The following NEXMIF variants were observed in gnomAD, a reference collection of about 807,000 sequenced individuals.
The protein encoded by NEXMIF is neurite extension and migration factor.
Under a neutral mutation model 62.1 loss-of-function variants are expected in NEXMIF, and 8 were observed. That is an observed-to-expected ratio of 0.13 (90% CI 0.08 to 0.23). The LOEUF is 0.23. Ranked by LOEUF, NEXMIF falls within the 10% of genes least tolerant of loss-of-function variation. NEXMIF has a pLI of 1.00. For missense variants in NEXMIF, 976 were observed against 1,113.3 expected (o/e 0.88, Z 1.75); for synonymous variants, 404 against 416.6 (o/e 0.97, Z 0.37).
intron 1 of NEXMIF, among the ~76,000 whole-genome samples, chrX:74,882,910 T>C (rs2080672201): frequency 9.0e-6 from 1 of 111,500 alleles, no homozygotes; most frequent in Non-Finnish European, 1.9e-5. Context: ...AGGGGTGGAC[T>C]GACACCTCAC....
intron 1 of NEXMIF, among the ~76,000 whole-genome samples, chrX:74,877,713 C>T (rs2080642698): frequency 9.0e-6 from 1 of 111,396 alleles, no homozygotes; most frequent in South Asian, 3.8e-4. Context: ...TTTCTCTAAA[C>T]TTCCCTTCTC....
At position 74,733,407 on chromosome X, in the gene NEXMIF, T is replaced by C. The variant is rs2080077519; in HGVS notation, c.*5998A>G. ...TAACTTTCTTAGAAATTCATTTTTGTTGTGTTTTATAATAGTATTGGTCTG... is the reference window on the plus strand; with the variant it reads ...TAACTTTCTTAGAAATTCATTTTTGCTGTGTTTTATAATAGTATTGGTCTG... On this transcript the variant is annotated 3_prime_UTR_variant, in exon 4 of 4. Coordinates refer to ENST00000055682, the MANE Select transcript of NEXMIF (RefSeq NM_001008537.3). 1 of 112,185 alleles carries C rather than the reference T, an allele frequency of 8.9e-6. No individual in the cohort carries two copies. The highest frequency in any genetic ancestry group is 1.9e-5 in the Non-Finnish European group (1 of 53,257). The allele number at this position is 112,185 out of a possible 1,213,427, so 9.2% of individuals were successfully genotyped here.
chrX:74,877,231 T>A (rs754710977), intron 1 of NEXMIF, among the ~76,000 whole-genome samples: 9 of 111,142 alleles, frequency 8.1e-5, no homozygotes, highest in East Asian at 5.7e-4. Context: ...TAAAGTATTT[T>A]ATTTCTCCTT....
chrX:74,840,374 G>C (rs915269794), intron 1 of NEXMIF, among the ~76,000 whole-genome samples: 7 of 109,445 alleles, frequency 6.4e-5, no homozygotes, highest in African/African-American at 2.1e-4. Flanking sequence ...AAAAAAATCA[G>C]AGAGGACACA....
chrX:74,880,697 T>G (rs1180724575), intron 1 of NEXMIF, among the ~76,000 whole-genome samples: 1 of 112,075 alleles, frequency 8.9e-6, no homozygotes, highest in South Asian at 3.7e-4. Context: ...CAATGGAAAT[T>G]AGGTGTAGAA....
chrX:74,774,082 C>A (rs933463915), intron 1 of NEXMIF, among the ~76,000 whole-genome samples: 1 of 110,339 alleles, frequency 9.1e-6, no homozygotes, highest in African/African-American at 3.3e-5. Flanking sequence ...GCTTTTTGCA[C>A]ATCTTAGAAA....
At chrX:74,839,368 C>A (rs1014552836) in intron 1 of NEXMIF, among the ~76,000 whole-genome samples, 9 of 111,938 alleles carry the variant, frequency 8.0e-5, no homozygotes, top group Admixed American at 3.8e-4. Context: ...ACTAGAAGAG[C>A]CTTCTAACTA....
Position 74,733,627 on chromosome X carries a change from A to G in NEXMIF, c.*5778T>C, listed in dbSNP as rs1176194275. ...AAACAATAACAAAACTCAGCTAGGT[A>G]ACATTATGACAGTTTCACCGTACAT... On this transcript the variant is annotated 3_prime_UTR_variant, in exon 4 of 4. Coordinates refer to ENST00000055682, the MANE Select transcript of NEXMIF (RefSeq NM_001008537.3). 1.8e-5 allele frequency: 2 copies of G among 112,572 alleles called. No homozygotes were observed. Among genetic ancestry groups the G allele is most frequent in the African/African-American group, 6.5e-5 (2 of 30,948 alleles). The allele number at this position is 112,572 out of a possible 1,213,427, so 9.3% of individuals were successfully genotyped here.
chrX:74,742,653 C>G lies in NEXMIF; in HGVS notation c.1904G>C (p.Arg635Thr), dbSNP rs766086192. 42 of 1,211,382 alleles carry G rather than the reference C, an allele frequency of 3.5e-5. No individual in the cohort carries two copies. Among genetic ancestry groups the G allele is most frequent in the Non-Finnish European group, 4.6e-5 (41 of 895,346 alleles). ...ARKRKSKLGN[R>T]HRIQRIPSIE... The stretch of plus-strand genomic sequence containing the variant: ...GGATGGGATTCTTTGAATCCTGTGC[C>G]TGTTGCCAAGTTTAGATTTTCGTTT... The change falls in exon 3 of 4, where the codon AGG becomes ACG. Residue 635 changes from arginine (R) to threonine (T), a missense_variant. By Grantham distance (71) the Arg-to-Thr change is moderately conservative. Transcript: ENST00000055682.
intron 1 of NEXMIF, among the ~76,000 whole-genome samples, chrX:74,815,415 T>C (rs1410660290): frequency 9.0e-6 from 1 of 111,170 alleles, no homozygotes; most frequent in Non-Finnish European, 1.9e-5. Context: ...ATACCCTATG[T>C]TATTCCCTCA....
rs2080100268 is a variant in NEXMIF at position 74,740,858 on chromosome X, A to G, written c.3699T>C (p.Asn1233=). The part of the protein sequence containing the change: ...TKKGKYMAAI[N]GEKMQIGIGR... ...CAATGCCAATTTGCATTTTCTCTCC[A>G]TTGATGGCAGCCATGTATTTCCCTT... The change falls in exon 3 of 4, where the codon AAT becomes AAC. Residue 1233 remains asparagine (N), a synonymous_variant. Transcript: ENST00000055682. 3 of 1,211,989 alleles carry G rather than the reference A, an allele frequency of 2.5e-6. No homozygotes were observed. The highest frequency in any genetic ancestry group is 3.0e-5 in the East Asian group (1 of 33,819).
chrX:74,830,662 T>C lies in NEXMIF; in HGVS notation c.-47-84965A>G, dbSNP rs192402141. On this transcript the variant is annotated intron_variant, in intron 1 of 3. Transcript: ENST00000055682. ...TTGGGTACTACAAACATTTTAACAA[T>C]ATTGATTCTTCCAATCCATGAACAT... 3.4e-3 allele frequency among the ~76,000 whole-genome samples: 383 copies of C among 112,215 alleles called. 2 individuals are homozygous for C. Among genetic ancestry groups the C allele is most frequent in the African/African-American group, 0.012 (366 of 30,993 alleles).
At chrX:74,842,084 T>G (rs2080475844) in intron 1 of NEXMIF, among the ~76,000 whole-genome samples, 1 of 111,876 alleles carries the variant, frequency 8.9e-6, no homozygotes, top group Non-Finnish European at 1.9e-5. Flanking sequence ...TCTGGTTGAA[T>G]TCTATTGTGA....
chrX:74,743,803 C>G lies in NEXMIF; in HGVS notation c.754G>C (p.Ala252Pro). Residue 252 changes from alanine to proline, a missense_variant, in exon 3 of 4, where the codon GCA becomes CCA. Physicochemically the swap from Ala to Pro is conservative, Grantham distance 27. Around this residue, in one of 5 missense-constraint regions of NEXMIF, gnomAD observed 45 missense variants for 86.8 expected, o/e 0.52. Coordinates refer to ENST00000055682, the MANE Select transcript of NEXMIF (RefSeq NM_001008537.3). ...DKCNTEEALL[A>P]NSNQDWGYFE... Reference sequence around the variant, plus strand: ...TAACCCCAATCCTGATTGGAATTTGCAAGCAAAGCTTCTTCTGTATTGCAC... The same window carrying G: ...TAACCCCAATCCTGATTGGAATTTGGAAGCAAAGCTTCTTCTGTATTGCAC... 8.3e-7 allele frequency: 1 copy of G among 1,211,276 alleles called. No homozygotes were observed. Among genetic ancestry groups the G allele is most frequent in the African/African-American group, 1.7e-5 (1 of 57,767 alleles).
At chrX:74,870,124 T>G in intron 1 of NEXMIF, among the ~76,000 whole-genome samples, 1 of 111,123 alleles carries the variant, frequency 9.0e-6, no homozygotes, top group East Asian at 2.8e-4. Flanking sequence ...AAAAAACAGA[T>G]ACATATATCA....
chrX:74,894,858 C>G (rs1249581180), intron 1 of NEXMIF, among the ~76,000 whole-genome samples: 2 of 112,214 alleles, frequency 1.8e-5, no homozygotes, highest in Non-Finnish European at 3.8e-5. Flanking sequence ...GACAGACACA[C>G]AGCTAGTATC....
At chrX:74,831,799 AGTT>A (rs1387898843) in intron 1 of NEXMIF, among the ~76,000 whole-genome samples, 3 of 111,878 alleles carry the variant, frequency 2.7e-5, no homozygotes, top group South Asian at 3.7e-4. Flanking sequence ...TTCTATCCCT[AGTT>A]TTTTGAGAAT....
chrX:74,803,516 A>G (rs1280219189), intron 1 of NEXMIF, among the ~76,000 whole-genome samples: 1 of 110,990 alleles, frequency 9.0e-6, no homozygotes, highest in Non-Finnish European at 1.9e-5. Flanking sequence ...TGCAGTGAGC[A>G]GAGATTGCGC....
chrX:74,904,041 C>T (rs2080758346), intron 1 of NEXMIF, among the ~76,000 whole-genome samples: 1 of 110,319 alleles, frequency 9.1e-6, no homozygotes, highest in African/African-American at 3.3e-5. Context: ...CCCCACCTCA[C>T]TCCTCACTCC....
Sources: allele counts gnomAD v4.1 joint callset (sites outside exome capture counted in the v4.1 genomes callset), GRCh38; gene constraint gnomAD v4.1.1; regional missense constraint gnomAD v4.1.1; transcripts MANE v1.5; gene names NCBI Gene and HGNC (gene_info 2026-07-23, HGNC 2026-07-21).